The following ARHGAP24 variants were observed in gnomAD, a reference collection of about 807,000 sequenced individuals.
The protein encoded by ARHGAP24 is rho GTPase-activating protein 24.
A neutral mutation model predicts 76.4 loss-of-function variants in ARHGAP24; 50 were observed. The observed-to-expected ratio is 0.65, with a 90% CI of 0.52 to 0.83. The LOEUF (loss-of-function observed/expected upper bound fraction) is 0.83. ARHGAP24 is among the 40% of genes least tolerant of loss of function. ARHGAP24 has a pLI of 0.00. For synonymous variants in ARHGAP24, 345 were observed against 323.3 expected (o/e 1.07, Z -0.72); for missense variants, 930 against 914.2 (o/e 1.02, Z -0.22).
At chr4:85,684,623 C>T (rs1723352470) in intron 2 of ARHGAP24, among the ~76,000 whole-genome samples, 1 of 152,138 alleles carries the variant, frequency 6.6e-6, no homozygotes, top group South Asian at 2.1e-4. Context: ...TGTGGATCTG[C>T]AGTGTATCAT....
chr4:85,923,855 T>C, intron 4 of ARHGAP24, 85 bp downstream of exon 4: 1 of 1,588,434 alleles, frequency 6.3e-7, no homozygotes, highest in Non-Finnish European at 8.6e-7. Flanking sequence ...TACTATTAGC[T>C]CCTGTATTCA....
intron 9 of ARHGAP24, among the ~76,000 whole-genome samples, chr4:85,998,321 T>A (rs1379982500): frequency 6.6e-6 from 1 of 152,190 alleles, no homozygotes; most frequent in East Asian, 1.9e-4. Context: ...TTATCATTAA[T>A]TAGTGCCTAT....
rs115493149 is a variant in ARHGAP24, at chr4:85,928,117, G to A, written c.391+4347G>A. Among the ~76,000 whole-genome samples, 441 of 152,264 alleles carry A rather than the reference G, an allele frequency of 2.9e-3. 2 individuals are homozygous for A. Among genetic ancestry groups the A allele is most frequent in the African/African-American group, 0.01 (416 of 41,560 alleles). On this transcript the variant is annotated intron_variant, in intron 4 of 9. Transcript: ENST00000395184. Reference sequence around the variant, plus strand: ...AAACCCATGCACAGTTGCTCCTCTAGTAATAATGCTAATTGAGAGGCACAT... The same window carrying A: ...AAACCCATGCACAGTTGCTCCTCTAATAATAATGCTAATTGAGAGGCACAT...
intron 3 of ARHGAP24, among the ~76,000 whole-genome samples, chr4:85,886,159 T>C (rs1294915652): frequency 6.6e-6 from 1 of 152,162 alleles, no homozygotes; most frequent in African/African-American, 2.4e-5. Context: ...AGATAATCTT[T>C]AACAAACCAT....
At position 85,643,256 on chromosome 4, in the gene ARHGAP24, T is replaced by G. The variant is rs1578102415; in HGVS notation, c.180+72535T>G. 7.8e-5 allele frequency among the ~76,000 whole-genome samples: 4 copies of G among 51,538 alleles called. No homozygotes were observed. In the Admixed American group the frequency reaches 8.5e-4, roughly 11 times the overall value. The allele number at this position is 51,538 out of a possible 152,430, so 33.8% of individuals were successfully genotyped here. On this transcript the variant is annotated intron_variant, in intron 2 of 9. Coordinates refer to ENST00000395184, the MANE Select transcript of ARHGAP24 (RefSeq NM_001025616.3). ...TGTGTTTTTTTTTTTTTTTTTTTTT[T>G]TTTTTTTTTTTTTGAGACGGAGTCT...
intron 9 of ARHGAP24, among the ~76,000 whole-genome samples, chr4:85,998,424 A>G (rs1247747263): frequency 6.6e-6 from 1 of 152,086 alleles, no homozygotes; most frequent in Non-Finnish European, 1.5e-5. Context: ...ACTTCCTGAT[A>G]TGTCTTTTCC....
intron 3 of ARHGAP24, among the ~76,000 whole-genome samples, chr4:85,776,070 C>T (rs1182403835): frequency 6.6e-6 from 1 of 152,038 alleles, no homozygotes; most frequent in Non-Finnish European, 1.5e-5. Flanking sequence ...AACTTCCATG[C>T]ATGAAATCTG....
At chr4:85,806,411 A>AT (rs1252012771) in intron 3 of ARHGAP24, among the ~76,000 whole-genome samples, 1 of 152,204 alleles carries the variant, frequency 6.6e-6, no homozygotes, top group Non-Finnish European at 1.5e-5. Context: ...ATTGTTGAAA[A>AT]TATGCTGTTT....
intron 2 of ARHGAP24, among the ~76,000 whole-genome samples, chr4:85,619,704 T>G (rs1281038053): frequency 6.6e-6 from 1 of 151,968 alleles, no homozygotes; most frequent in Non-Finnish European, 1.5e-5. Context: ...TAAGAATTTT[T>G]TATGCAATCG....
At chr4:85,896,090 A>C (rs1179068075) in intron 3 of ARHGAP24, among the ~76,000 whole-genome samples, 2 of 152,244 alleles carry the variant, frequency 1.3e-5, no homozygotes, top group Non-Finnish European at 2.9e-5. Flanking sequence ...AGTCCTAAGT[A>C]AACCCATATT....
chr4:85,655,786 T>TAGAG (rs1484355846), intron 2 of ARHGAP24, among the ~76,000 whole-genome samples: 10 of 32,720 alleles, frequency 3.1e-4, no homozygotes, highest in African/African-American at 1.3e-3. Flanking sequence ...TATATATATA[T>TAGAG]ATATATAGAG....
intron 1 of ARHGAP24, among the ~76,000 whole-genome samples, chr4:85,486,035 T>G (rs1000720147): frequency 3.9e-5 from 6 of 152,006 alleles, no homozygotes; most frequent in Non-Finnish European, 8.8e-5. Context: ...GCCCAGTCAT[T>G]TAGAATAATT....
intron 3 of ARHGAP24, among the ~76,000 whole-genome samples, chr4:85,787,739 G>T (rs145201492): frequency 3.3e-5 from 5 of 152,254 alleles, no homozygotes; most frequent in South Asian, 2.1e-4. Flanking sequence ...AGAGACATCA[G>T]GTTCTTGAGG....
chr4:85,781,679 G>A (rs1240417167), intron 3 of ARHGAP24, among the ~76,000 whole-genome samples: 5 of 152,058 alleles, frequency 3.3e-5, no homozygotes, highest in Non-Finnish European at 7.4e-5. Context: ...ATGAATTAGA[G>A]ACTGGCTTTT....
chr4:85,899,623 G>A (rs552613736), intron 3 of ARHGAP24, among the ~76,000 whole-genome samples: 11 of 152,278 alleles, frequency 7.2e-5, no homozygotes, highest in Admixed American at 7.2e-4. Flanking sequence ...GATATCATCT[G>A]GTCAACTCCC....
At chr4:85,923,809 G>T in intron 4 of ARHGAP24, 39 bp downstream of exon 4, 2 of 1,613,264 alleles carry the variant, frequency 1.2e-6, no homozygotes, top group South Asian at 2.2e-5. Flanking sequence ...CAGAAAGGTA[G>T]ACCAAACCTG....
At chr4:85,965,002 C>A (rs1738493511) in intron 5 of ARHGAP24, among the ~76,000 whole-genome samples, 1 of 152,040 alleles carries the variant, frequency 6.6e-6, no homozygotes, top group Non-Finnish European at 1.5e-5. Context: ...TGCCTCTATA[C>A]ACAGAAGAAA....
chr4:85,991,454 A>G (rs1740314897), intron 8 of ARHGAP24: 1 of 152,164 alleles, frequency 6.6e-6, no homozygotes, highest in Non-Finnish European at 1.5e-5. Context: ...CTGGAAACAG[A>G]CCAATTCTCC....
intron 3 of ARHGAP24, among the ~76,000 whole-genome samples, chr4:85,811,889 T>C (rs1435529464): frequency 6.6e-6 from 1 of 152,144 alleles, no homozygotes; most frequent in Non-Finnish European, 1.5e-5. Context: ...AATAAATGTG[T>C]TTTTGGCTGG....
Sources: gnomAD v4.1 joint callset for allele counts (sites outside exome capture counted in the v4.1 genomes callset) on GRCh38, gnomAD v4.1.1 for gene constraint, MANE v1.5 for transcripts, NCBI Gene and HGNC (gene_info 2026-07-23, HGNC 2026-07-21) for gene names.